Variants in RNF125 observed in about 807,000 individuals in gnomAD.
RNF125 encodes the protein ring finger protein 125, also known as E3 ubiquitin-protein ligase RNF125.
Under a neutral mutation model 26.0 loss-of-function variants are expected in RNF125, and 21 were observed. The observed-to-expected ratio is 0.81, with a 90% CI of 0.57 to 1.16. The LOEUF (loss-of-function observed/expected upper bound fraction) is 1.16. Among genes scored for constraint, RNF125 ranks in the 50% most tolerant of loss-of-function variants. The probability of loss-of-function intolerance (pLI) is 0.00; values close to 1 mark genes in which losing one functional copy is unlikely to be tolerated. For synonymous variants in RNF125, 95 were observed against 109.2 expected (o/e 0.87, Z 0.81); for missense variants, 270 against 299.4 (o/e 0.90, Z 0.72).
At position 32,037,602 on chromosome 18, in the gene RNF125, G is replaced by A. The variant is rs57798472; in HGVS notation, c.318+333G>A. Among the ~76,000 whole-genome samples, 1,311 of 152,084 alleles carry A rather than the reference G, an allele frequency of 8.6e-3. 27 individuals carry two copies. Among genetic ancestry groups the A allele is most frequent in the African/African-American group, 0.03 (1,232 of 41,490 alleles). On this transcript the variant is annotated intron_variant, in intron 2 of 5. Transcript: ENST00000217740. ...TTAGCCAGGATGGTCTCAATCTCCT[G>A]ACCTCATTACCCGCCTGCCTCGGCC...
chr18:32,049,188 G>A (rs2039301090), intron 4 of RNF125, among the ~76,000 whole-genome samples: 1 of 152,156 alleles, frequency 6.6e-6, no homozygotes, highest in Non-Finnish European at 1.5e-5. Flanking sequence ...TGATTTTACA[G>A]GTCTTCAGGG....
At chr18:32,076,135 G>A (rs879326856), downstream of RNF125, 1 of 592,236 alleles carries the variant, frequency 1.7e-6, no homozygotes, top group Non-Finnish European at 3.1e-6. Context: ...ACTCGCCAAT[G>A]TAACCATGCT....
In RNF125 at chr18:32,066,216, G is replaced by A. The variant is rs567242351; in HGVS notation, c.612+207G>A. On this transcript the variant is annotated intron_variant, in intron 5 of 5. Transcript: ENST00000217740. ...TGTAATCCCAACACTTTGGGAGGCC[G>A]AGGTGGGCGAATCACTTGAGGTCAG... 6.7e-4 allele frequency: 226 copies of A among 337,298 alleles called. 3 individuals carry two copies. The highest frequency in any genetic ancestry group is 5.9e-3 in the South Asian group (152 of 25,924). 20.9% of individuals were successfully genotyped at this position (337,298 alleles called of 1,614,324 possible). A position where few individuals can be genotyped will look rare whatever the true frequency, so the allele number is the denominator to read the frequency against.
At chr18:32,045,606 C>A (rs752556565) in intron 3 of RNF125, 36 bp from the exon 4 acceptor site, 108 of 1,425,020 alleles carry the variant, frequency 7.6e-5, no homozygotes, top group Non-Finnish European at 1.0e-4. Flanking sequence ...AGTTGCCAAC[C>A]ATTTTAATAT....
At chr18:32,079,054 T>A in the RNF125 span, among the ~76,000 whole-genome samples, 2 of 152,132 alleles carry the variant, frequency 1.3e-5, no homozygotes, top group Non-Finnish European at 2.9e-5. Flanking sequence ...AGATGGGGAG[T>A]TCCTTGAGGG....
chr18:32,044,806 T>C lies in RNF125; in HGVS notation c.414-836T>C, dbSNP rs2039252636. Among the ~76,000 whole-genome samples the C allele has an allele frequency of 2.0e-5, 3 of 152,204 alleles. No individual in the cohort carries two copies. In the South Asian group the frequency reaches 6.2e-4, roughly 31 times the overall value. On this transcript the variant is annotated intron_variant, in intron 3 of 5. Transcript: ENST00000217740. The stretch of plus-strand genomic sequence containing the variant: ...AACTATGTGCATCAGCCTATATTGT[T>C]AATTTCCAGTGAAGAAGGAAAAGTG...
chr18:32,052,752 G>A (rs2039341442), intron 4 of RNF125, among the ~76,000 whole-genome samples: 1 of 152,102 alleles, frequency 6.6e-6, no homozygotes, highest in African/African-American at 2.4e-5. Context: ...CGAATCCTTT[G>A]CATCTTGGAA....
chr18:32,076,827 G>A (rs1488814633), downstream of RNF125, among the ~76,000 whole-genome samples: 2 of 152,008 alleles, frequency 1.3e-5, no homozygotes, highest in Non-Finnish European at 2.9e-5. Flanking sequence ...AAAGCTCTTC[G>A]CTGGGAGTTT....
intron 1 of RNF125, among the ~76,000 whole-genome samples, 197 bp downstream of exon 1, chr18:32,019,224 A>G (rs2144419593): frequency 6.6e-6 from 1 of 152,240 alleles, no homozygotes; most frequent in African/African-American, 2.4e-5. Context: ...CGGGAGGAGA[A>G]AAAATAAACA....
At chr18:32,047,770 CAT>C (rs2039285748) in intron 4 of RNF125, among the ~76,000 whole-genome samples, 2 of 151,850 alleles carry the variant, frequency 1.3e-5, no homozygotes, top group Non-Finnish European at 2.9e-5. Flanking sequence ...GAAATTAAAA[CAT>C]AAATATATTA....
At chr18:32,087,459 C>T in the RNF125 span, among the ~76,000 whole-genome samples, 1 of 151,718 alleles carries the variant, frequency 6.6e-6, no homozygotes, top group Non-Finnish European at 1.5e-5. Flanking sequence ...GGCCCCCAAC[C>T]TGTGGGATCT....
At chr18:32,052,051 G>A (rs2039334357) in intron 4 of RNF125, among the ~76,000 whole-genome samples, 2 of 152,098 alleles carry the variant, frequency 1.3e-5, no homozygotes, top group Admixed American at 6.5e-5. Context: ...AGGACTTTTG[G>A]TTTGAAGTGT....
At chr18:32,064,104 G>A (rs2039459671) in intron 4 of RNF125, among the ~76,000 whole-genome samples, 1 of 151,320 alleles carries the variant, frequency 6.6e-6, no homozygotes, top group South Asian at 2.1e-4. Flanking sequence ...AAGCCATTCT[G>A]CTGCCTCAGC....
chr18:32,057,753 A>G (rs2039399384), intron 4 of RNF125, among the ~76,000 whole-genome samples: 1 of 152,142 alleles, frequency 6.6e-6, no homozygotes, highest in Admixed American at 6.6e-5. Context: ...TTTCTCTGAA[A>G]GAAATTATAT....
intron 2 of RNF125, 50 bp downstream of exon 2, chr18:32,037,319 C>G (rs372747237): frequency 2.5e-6 from 3 of 1,178,018 alleles, no homozygotes; most frequent in Admixed American, 3.0e-5. Context: ...TAAGTCCCTG[C>G]GAAAGTTATC....
intron 4 of RNF125, among the ~76,000 whole-genome samples, chr18:32,064,539 G>T (rs2039466989): frequency 6.8e-6 from 1 of 148,054 alleles, no homozygotes; most frequent in African/African-American, 2.5e-5. Context: ...ATTTGGGTGG[G>T]GACAAGTTTC....
Position 32,072,614 on chromosome 18 carries a change from G to A in RNF125, c.*4230G>A, listed in dbSNP as rs965037394. 3.3e-5 allele frequency: 5 copies of A among 152,128 alleles called. No homozygotes were observed. The highest frequency in any genetic ancestry group is 1.2e-4 in the African/African-American group (5 of 41,430). 9.4% of individuals were successfully genotyped at this position (152,128 alleles called of 1,614,324 possible). A position where few individuals can be genotyped will look rare whatever the true frequency, so the allele number is the denominator to read the frequency against. ...TTATTTTGAGCTCTAAAATGGTAAAGTACAAATACTCATTGTTTTACTGTG... is the reference window on the plus strand; with the variant it reads ...TTATTTTGAGCTCTAAAATGGTAAAATACAAATACTCATTGTTTTACTGTG... On this transcript the variant is annotated 3_prime_UTR_variant, in exon 6 of 6. Coordinates refer to ENST00000217740, the MANE Select transcript of RNF125 (RefSeq NM_017831.4).
At chr18:32,022,835 TCTC>T (rs2038997893) in intron 1 of RNF125, among the ~76,000 whole-genome samples, 1 of 151,006 alleles carries the variant, frequency 6.6e-6, no homozygotes, top group Non-Finnish European at 1.5e-5. Flanking sequence ...CAGATGCAAG[TCTC>T]CTCCACAAAA....
intron 1 of RNF125, among the ~76,000 whole-genome samples, chr18:32,032,850 G>A (rs1431722895): frequency 6.6e-6 from 1 of 151,618 alleles, no homozygotes; most frequent in Non-Finnish European, 1.5e-5. Context: ...CAAGACATCT[G>A]GCAAAAAAAA....
Sources: gnomAD v4.1 joint callset for allele counts (sites outside exome capture counted in the v4.1 genomes callset) on GRCh38, gnomAD v4.1.1 for gene constraint, MANE v1.5 for transcripts, NCBI Gene and HGNC (gene_info 2026-07-23, HGNC 2026-07-21) for gene names.